The following WASHC2C variants were observed in gnomAD, a reference collection of about 807,000 sequenced individuals.
WASHC2C encodes Vaccinia Penetration Factor.
WASHC2C carries 73 observed loss-of-function variants against 142.2 expected under a neutral mutation model. That is an observed-to-expected ratio of 0.51 (90% CI 0.43 to 0.62). The LOEUF (loss-of-function observed/expected upper bound fraction) is 0.62. Ranked by LOEUF, WASHC2C falls within the 20% of genes least tolerant of loss-of-function variation. WASHC2C has a pLI of 0.00. For synonymous variants in WASHC2C, 337 were observed against 565.5 expected (o/e 0.60, Z 5.73); for missense variants, 969 against 1,531.7 (o/e 0.63, Z 6.13).
intron 18 of WASHC2C, among the ~76,000 whole-genome samples, chr10:45,764,553 G>A (rs1215396842): frequency 6.7e-6 from 1 of 149,914 alleles, no homozygotes; most frequent in Non-Finnish European, 1.5e-5. Flanking sequence ...TTCCCGTCCT[G>A]GCTGGAGAGA....
chr10:45,740,527 C>T (rs1348878603), intron 5 of WASHC2C, among the ~76,000 whole-genome samples: 1 of 152,164 alleles, frequency 6.6e-6, no homozygotes, highest in Non-Finnish European at 1.5e-5. Context: ...GACATACATA[C>T]GAATAACCAT....
rs1190490955 is a variant in WASHC2C, at chr10:45,784,240, ATGTGTGTG to A, written c.2479-319_2479-312del. ...CTAAAGCTTGTGCATATATATATAT[ATGTGTGTG>A]TGTGTATATATATATATATATATAT... On this transcript the variant is annotated intron_variant, in intron 23 of 30. Coordinates refer to ENST00000623400, the MANE Select transcript of WASHC2C (RefSeq NM_001330074.2). 2.9e-3 allele frequency among the ~76,000 whole-genome samples: 322 copies of A among 109,756 alleles called. 1 individual carries two copies. Among genetic ancestry groups the A allele is most frequent in the African/African-American group, 9.9e-3 (276 of 27,818 alleles). The allele number at this position is 109,756 out of a possible 152,430, so 72.0% of individuals were successfully genotyped here.
intron 16 of WASHC2C, among the ~76,000 whole-genome samples, chr10:45,758,601 T>C (rs1432762313): frequency 7.0e-6 from 1 of 143,800 alleles, no homozygotes; most frequent in Non-Finnish European, 1.6e-5. Flanking sequence ...ACCATCATTC[T>C]TCTTCTTTTT....
intron 5 of WASHC2C, among the ~76,000 whole-genome samples, 166 bp from the exon 6 acceptor site, chr10:45,743,223 GA>G (rs575154393): frequency 6.6e-6 from 1 of 152,062 alleles, no homozygotes; most frequent in Non-Finnish European, 1.5e-5. Flanking sequence ...AAAAATCAGT[GA>G]AAAAAAGAAT....
intron 23 of WASHC2C, among the ~76,000 whole-genome samples, chr10:45,780,455 A>G (rs1589908040): frequency 6.6e-6 from 1 of 151,976 alleles, no homozygotes; most frequent in Admixed American, 6.6e-5. Context: ...CAACACAACA[A>G]TGTCCACTCT....
rs2054082550 is a variant in WASHC2C, at chr10:45,755,122, G to A, written c.1420+7G>A. 6.2e-7 allele frequency: 1 copy of A among 1,600,690 alleles called. No homozygotes were observed. The highest frequency in any genetic ancestry group is 1.7e-5 in the Admixed American group (1 of 57,970). ...AGCAAACCTTCTAAAACACGTATGT[G>A]TTCCTGCCTCCGTTTCTAGGACTTC... is the stretch of plus-strand genomic sequence containing the variant. On this transcript the variant is annotated splice_region_variant and intron_variant, in intron 15 of 30. Transcript: ENST00000623400.
chr10:45,741,985 G>A (rs565409446), intron 5 of WASHC2C, among the ~76,000 whole-genome samples: 10,494 of 151,506 alleles, frequency 0.069, 421 homozygotes, highest in Non-Finnish European at 0.1. Context: ...AGTAGAGACG[G>A]GGTTTCACCA....
intron 17 of WASHC2C, among the ~76,000 whole-genome samples, chr10:45,759,679 T>C (rs1331934409): frequency 8.6e-5 from 13 of 151,958 alleles, no homozygotes; most frequent in African/African-American, 1.4e-4. Flanking sequence ...ATTAGCCGGG[T>C]ATGGTGGTGC....
rs782535823 is a variant in WASHC2C, at chr10:45,787,007, A to G, written c.2875-28A>G. On this transcript the variant is annotated intron_variant, in intron 27 of 30. Coordinates refer to ENST00000623400, the MANE Select transcript of WASHC2C (RefSeq NM_001330074.2). ...TAATAGACTGCTGTGTTGAAGAACAAATACAGAGTTTCATTTTTCTTCTTT... is the reference window on the plus strand; with the variant it reads ...TAATAGACTGCTGTGTTGAAGAACAGATACAGAGTTTCATTTTTCTTCTTT... 7 of 1,588,756 alleles carry G rather than the reference A, an allele frequency of 4.4e-6. No individual in the cohort carries two copies. The East Asian group carries it at 9.0e-5, about 20-fold the overall frequency.
chr10:45,740,401 C>A (rs1281373221), intron 5 of WASHC2C, among the ~76,000 whole-genome samples, 155 bp downstream of exon 5: 1 of 151,982 alleles, frequency 6.6e-6, no homozygotes, highest in Non-Finnish European at 1.5e-5. Flanking sequence ...CTCGCTTTAC[C>A]TGAGCACTGA....
intron 23 of WASHC2C, among the ~76,000 whole-genome samples, chr10:45,781,086 CTTATGAATGA>C (rs1403260283): frequency 6.6e-6 from 1 of 151,574 alleles, no homozygotes; most frequent in Non-Finnish European, 1.5e-5. Context: ...CAATTACCAG[CTTATGAATGA>C]AATTAAGAAA....
chr10:45,754,417 T>A (rs1406294574), intron 13 of WASHC2C, 69 bp from the exon 14 acceptor site: 1 of 1,604,344 alleles, frequency 6.2e-7, no homozygotes, highest in African/African-American at 1.3e-5. Context: ...TTGCACGTAT[T>A]TCAGGAAGAA....
At chr10:45,727,628 T>C in intron 2 of WASHC2C, 89 bp downstream of exon 2, 1 of 1,403,266 alleles carries the variant, frequency 7.1e-7, no homozygotes. Flanking sequence ...CCCCTGCACC[T>C]GGCCCGTCCC....
chr10:45,752,183 C>T (rs1369618257), intron 11 of WASHC2C, among the ~76,000 whole-genome samples: 1 of 152,322 alleles, frequency 6.6e-6, no homozygotes, highest in African/African-American at 2.4e-5. Flanking sequence ...CTGCAAACAG[C>T]CATGTCGATT....
chr10:45,790,027 A>T (rs1248064582), intron 29 of WASHC2C, among the ~76,000 whole-genome samples: 2 of 152,272 alleles, frequency 1.3e-5, no homozygotes, highest in African/African-American at 4.8e-5. Flanking sequence ...AAATACAAAC[A>T]GGGCAATGGA....
In WASHC2C at chr10:45,769,616, C is replaced by T. The variant is rs527393250; in HGVS notation, c.2037C>T (p.Asp679=). The T allele has an allele frequency of 6.8e-6, 11 of 1,611,922 alleles. No homozygotes were observed. The Admixed American group carries it at 1.3e-4, about 20-fold the overall frequency. ...ATGATCTTTTTGCCATTGCCAAGGA[C>T]AGGTGAGATAGTCATTGGAAGGAGT... ...KEDDLFAIAK[D]SQKKTQRVSL... is the part of the protein sequence containing the mutation. The change falls in exon 20 of 31, where the codon GAC becomes GAT. Residue 679 remains aspartate (D), a splice_region_variant and synonymous_variant. Coordinates refer to ENST00000623400, the MANE Select transcript of WASHC2C (RefSeq NM_001330074.2).
intron 17 of WASHC2C, among the ~76,000 whole-genome samples, chr10:45,761,123 C>G (rs79563793): frequency 6.6e-6 from 1 of 151,602 alleles, no homozygotes; most frequent in Non-Finnish European, 1.5e-5. Context: ...GCCGTTGTCA[C>G]TGAGGGTCTC....
chr10:45,753,207 G>A lies in WASHC2C; in HGVS notation c.1150G>A (p.Asp384Asn), dbSNP rs781850203. 34 of 1,224,518 alleles carry A rather than the reference G, an allele frequency of 2.8e-5. 11 individuals carry two copies. The South Asian group carries it at 4.8e-4, about 17-fold the overall frequency. The allele number at this position is 1,224,518 out of a possible 1,614,324, so 75.9% of individuals were successfully genotyped here. The part of the protein sequence containing the change: ...ESDLFTEASQ[D>N]RQAGASVKEE... Reference sequence around the variant, plus strand: ...TGACCTCTTCACGGAAGCCTCCCAGGATCGGCAAGCTGGAGCCTCTGTTAA... The same window carrying A: ...TGACCTCTTCACGGAAGCCTCCCAGAATCGGCAAGCTGGAGCCTCTGTTAA... Residue 384 changes from aspartate (D) to asparagine (N), a missense_variant, in exon 13 of 31, where the codon GAT becomes AAT. Physicochemically the swap from Asp to Asn is conservative, Grantham distance 23 (BLOSUM62 1). Coordinates refer to ENST00000623400, the MANE Select transcript of WASHC2C (RefSeq NM_001330074.2).
chr10:45,735,482 C>G (rs1208517119), intron 3 of WASHC2C, among the ~76,000 whole-genome samples: 7 of 151,802 alleles, frequency 4.6e-5, no homozygotes, highest in African/African-American at 1.7e-4. Context: ...CGCAGGTGAT[C>G]CCAAAGTGCT....
Sources: gnomAD v4.1 joint callset for allele counts (sites outside exome capture counted in the v4.1 genomes callset) on GRCh38, gnomAD v4.1.1 for gene constraint, MANE v1.5 for transcripts, NCBI Gene and HGNC (gene_info 2026-07-23, HGNC 2026-07-21) for gene names.